The following ARAP3 variants were observed in gnomAD, a reference collection of about 807,000 sequenced individuals.
ARAP3 encodes ArfGAP with RhoGAP domain, ankyrin repeat and PH domain 3, also known as arf-GAP with Rho-GAP domain, ANK repeat and PH domain-containing protein 3.
Under a neutral mutation model 169.2 loss-of-function variants are expected in ARAP3, and 82 were observed. The observed-to-expected ratio is 0.48, with a 90% CI of 0.41 to 0.58. The LOEUF is 0.58. Among genes scored for constraint, ARAP3 ranks in the 20% least tolerant of loss-of-function variants. ARAP3 has a pLI of 0.00. For synonymous variants in ARAP3, 791 were observed against 800.3 expected (o/e 0.99, Z 0.20); for missense variants, 1,764 against 2,018.0 (o/e 0.87, Z 2.41).
chr5:141,663,541 G>C (rs890471045), intron 19 of ARAP3, among the ~76,000 whole-genome samples: 4 of 152,120 alleles, frequency 2.6e-5, no homozygotes, highest in Non-Finnish European at 4.4e-5. Flanking sequence ...CACCTGCCTC[G>C]GCTTCCCAAA....
At chr5:141,678,220 G>A (rs1227328294) in intron 4 of ARAP3, among the ~76,000 whole-genome samples, 2 of 152,068 alleles carry the variant, frequency 1.3e-5, no homozygotes, top group Admixed American at 1.3e-4. Context: ...CAAAGTGCTG[G>A]GATTACAGGC....
intron 4 of ARAP3, among the ~76,000 whole-genome samples, chr5:141,677,759 GTTTTGTTTTTTGT>G (rs2099912381): frequency 2.0e-5 from 3 of 151,736 alleles, no homozygotes; most frequent in Admixed American, 6.6e-5. Flanking sequence ...TTTTGGTTTT[GTTTTGTTTTTTGT>G]TTTTGTTTTT....
At position 141,672,857 on chromosome 5, in the gene ARAP3, G is replaced by C. The variant is rs775267798; in HGVS notation, c.1162C>G (p.Arg388Gly). ...AGGGGTCGGGGTGGTTGGGGGGGCC[G>C]GGGGTGGCCCAGGAGGCGCTGCTCC... ...LKEQRLLGHP[R>G]PPQPPRPLRT... Residue 388 changes from arginine (R) to glycine (G), a missense_variant, in exon 8 of 33, where the codon CGG (arginine) becomes GGG (glycine). Physicochemically the swap from Arg to Gly is moderately radical, Grantham distance 125. Around this residue, in one of 3 missense-constraint regions of ARAP3, gnomAD observed 630 missense variants for 678.7 expected, o/e 0.93. Coordinates refer to ENST00000239440, the MANE Select transcript of ARAP3 (RefSeq NM_022481.6). This position sits in a 1 kb window ranked among gnomAD's most constrained non-coding sequence, Gnocchi z 4.9. The C allele has an allele frequency of 6.2e-7, 1 of 1,603,834 alleles. No individual in the cohort carries two copies. The highest frequency in any genetic ancestry group is 1.7e-5 in the Admixed American group (1 of 59,006).
At chr5:141,661,074 T>C (rs1175966799) in intron 21 of ARAP3, among the ~76,000 whole-genome samples, 6 of 150,926 alleles carry the variant, frequency 4.0e-5, no homozygotes, top group East Asian at 1.9e-4. Context: ...TTTCTTTTTT[T>C]TTTTTTTGAG....
At position 141,656,852 on chromosome 5, in the gene ARAP3, G is replaced by A. The variant is rs1247332666; in HGVS notation, c.3527-6C>T. 3 of 1,612,370 alleles carry A rather than the reference G, an allele frequency of 1.9e-6. No individual in the cohort carries two copies. The highest frequency in any genetic ancestry group is 2.2e-5 in the South Asian group (2 of 90,756). On this transcript the variant is annotated splice_region_variant and splice_polypyrimidine_tract_variant and intron_variant, in intron 25 of 32. Transcript: ENST00000239440. ...CTTGGGATGCAGTGGCCGCTCTTAA[G>A]GGGAAAGGTGAGGGTTTATATATCA...
chr5:141,673,305 C>CCA (rs2099911694), intron 6 of ARAP3, 96 bp downstream of exon 6: 7 of 1,566,020 alleles, frequency 4.5e-6, no homozygotes, highest in African/African-American at 1.4e-5. Context: ...ACTGCCCCGC[C>CCA]CACACACACA....
chr5:141,657,010 C>T (rs750657380), intron 25 of ARAP3, among the ~76,000 whole-genome samples, 164 bp from the exon 26 acceptor site: 1 of 152,204 alleles, frequency 6.6e-6, no homozygotes, highest in Non-Finnish European at 1.5e-5. Flanking sequence ...CGGTGGTGAG[C>T]ATGATACACA....
At chr5:141,665,513 C>A in intron 17 of ARAP3, 139 bp from the exon 18 acceptor site, 1 of 793,870 alleles carries the variant, frequency 1.3e-6, no homozygotes, top group South Asian at 1.8e-5. Context: ...GAGTTATGTA[C>A]TATTATTCCC....
chr5:141,656,354 T>C (rs2099909271), intron 27 of ARAP3, 78 bp from the exon 28 acceptor site: 2 of 1,601,000 alleles, frequency 1.2e-6, no homozygotes, highest in Non-Finnish European at 1.7e-6. Context: ...ATGGAAGCAA[T>C]GGGGTCTGTG....
intron 16 of ARAP3, among the ~76,000 whole-genome samples, chr5:141,667,997 T>TCTTCACCGCA (rs1415310627): frequency 6.6e-6 from 1 of 151,802 alleles, no homozygotes; most frequent in Non-Finnish European, 1.5e-5. Context: ...AGCCAAGATC[T>TCTTCACCGCA]CTTCACCGCA....
intron 22 of ARAP3, 52 bp downstream of exon 22, chr5:141,659,727 C>A: frequency 6.3e-7 from 1 of 1,580,886 alleles, no homozygotes; most frequent in South Asian, 1.1e-5. Context: ...GTCTCTGGGT[C>A]CTGCAAGGGT....
At position 141,659,886 on chromosome 5, in the gene ARAP3, T is replaced by C. The variant is rs997405783; in HGVS notation, c.3160A>G (p.Asn1054Asp). Residue 1054 changes from asparagine to aspartate, a missense_variant, in exon 22 of 33, where the codon AAC becomes GAC. Physicochemically the swap from Asn to Asp is conservative, Grantham distance 23. Coordinates refer to ENST00000239440, the MANE Select transcript of ARAP3 (RefSeq NM_022481.6). ...CTGGGTGCAAACAGCAGAGCCAAGT[T>C]CCGCGTGCACATCTGGTTTAGAGCC... Reference protein sequence around the residue: ...CAALNQMCTRNLALLFAPSVF... With the variant: ...CAALNQMCTRDLALLFAPSVF... 19 of 1,587,094 alleles carry C rather than the reference T, an allele frequency of 1.2e-5. No homozygotes were observed. Among genetic ancestry groups the C allele is most frequent in the Non-Finnish European group, 1.6e-5 (19 of 1,167,016 alleles).
intron 19 of ARAP3, among the ~76,000 whole-genome samples, chr5:141,662,646 G>A (rs1394446816): frequency 6.6e-6 from 1 of 152,158 alleles, no homozygotes; most frequent in Admixed American, 6.5e-5. Flanking sequence ...TTTATGAACA[G>A]AGTGAAGAAA....
intron 32 of ARAP3, 102 bp downstream of exon 32, chr5:141,655,260 C>CACACACACACACACACACACACACACACA (rs1562401159): frequency 1.2e-6 from 1 of 831,520 alleles, no homozygotes; most frequent in African/African-American, 2.9e-5. Context: ...ACACACACAC[C>CACACACACACACACACACACACACACACA]CCCTGATGGC....
rs753607206 is a variant in ARAP3, at chr5:141,680,508, G to A, written c.-17-5C>T. 4 of 1,568,766 alleles carry A rather than the reference G, an allele frequency of 2.5e-6. No homozygotes were observed. Among genetic ancestry groups the A allele is most frequent in the Non-Finnish European group, 3.5e-6 (4 of 1,159,258 alleles). The stretch of plus-strand genomic sequence containing the variant: ...CCATGGGGGCTCAGGCCATTGCTGG[G>A]GGGAGGGGCAGGGTGAAGGGAGGGC... On this transcript the variant is annotated splice_region_variant and splice_polypyrimidine_tract_variant and intron_variant, in intron 1 of 32. Transcript: ENST00000239440.
chr5:141,679,407 C>T, intron 4 of ARAP3, 138 bp downstream of exon 4: 2 of 772,854 alleles, frequency 2.6e-6, no homozygotes, highest in East Asian at 5.3e-5. Context: ...GAGGGTGGCA[C>T]TAGGTCTGTG....
intron 4 of ARAP3, among the ~76,000 whole-genome samples, chr5:141,675,440 G>C (rs73287724): frequency 8.6e-5 from 13 of 152,044 alleles, no homozygotes; most frequent in African/African-American, 2.9e-4. Context: ...AATAAAAAAG[G>C]CTGGGCGTGG....
intron 21 of ARAP3, 118 bp from the exon 22 acceptor site, chr5:141,660,044 C>T: frequency 1.5e-6 from 2 of 1,325,246 alleles, no homozygotes; most frequent in Admixed American, 5.3e-5. Flanking sequence ...TAATATTGGC[C>T]TCAAGGAGCT....
At chr5:141,655,259 C>T in intron 32 of ARAP3, 103 bp downstream of exon 32, 1 of 1,190,778 alleles carries the variant, frequency 8.4e-7, no homozygotes, top group Non-Finnish European at 1.2e-6. Flanking sequence ...CACACACACA[C>T]CCCCTGATGG....
Sources: allele counts gnomAD v4.1 joint callset (sites outside exome capture counted in the v4.1 genomes callset), GRCh38; gene constraint gnomAD v4.1.1; regional missense constraint gnomAD v4.1.1; non-coding constraint Gnocchi (gnomAD v3.1); transcripts MANE v1.5; gene names NCBI Gene and HGNC (gene_info 2026-07-23, HGNC 2026-07-21).